The following CSMD1 variants were observed in gnomAD, a reference collection of about 807,000 sequenced individuals.
The protein encoded by CSMD1 is CUB and Sushi multiple domains 1.
In CSMD1, 213 loss-of-function variants were observed where a neutral mutation model predicts 417.5. The ratio of observed to expected loss-of-function variants is 0.51; its 90% CI spans 0.46 to 0.57. The LOEUF (loss-of-function observed/expected upper bound fraction) is 0.57, where lower values mean the gene tolerates loss of function less well. Among genes scored for constraint, CSMD1 ranks in the 20% least tolerant of loss-of-function variants. The pLI, the probability that CSMD1 is intolerant of heterozygous loss-of-function variation, is 0.00. For synonymous variants in CSMD1, 2,862 were observed against 1,736.8 expected, an observed-to-expected ratio of 1.65 and a Z score of -16.11; for missense variants, 6,923 against 4,529.7, an observed-to-expected ratio of 1.53 and a Z score of -15.17.
At chr8:4,712,466 C>G (rs986420145) in intron 1 of CSMD1, among the ~76,000 whole-genome samples, 1 of 152,088 alleles carries the variant, frequency 6.6e-6, no homozygotes, top group Admixed American at 6.6e-5. Context: ...AATTTTTTTT[C>G]CCATGTCAAA....
At chr8:3,946,411 C>G (rs1299670063) in intron 5 of CSMD1, among the ~76,000 whole-genome samples, 1 of 152,050 alleles carries the variant, frequency 6.6e-6, no homozygotes, top group African/African-American at 2.4e-5. Flanking sequence ...TGAGCAATCC[C>G]GCATCACCTT....
chr8:4,384,446 G>A (rs1044807984), intron 3 of CSMD1, among the ~76,000 whole-genome samples: 21 of 152,062 alleles, frequency 1.4e-4, no homozygotes, highest in African/African-American at 5.1e-4. Context: ...AACACTTGCT[G>A]GTTTTTTCAA....
At chr8:4,299,337 G>A (rs1333828406) in intron 3 of CSMD1, among the ~76,000 whole-genome samples, 3 of 152,110 alleles carry the variant, frequency 2.0e-5, no homozygotes, top group African/African-American at 4.8e-5. Flanking sequence ...TTACTTCCAA[G>A]AGGGGGTTTT....
intron 1 of CSMD1, among the ~76,000 whole-genome samples, chr8:4,893,771 GAGCCAATGTCACA>G (rs1314767381): frequency 4.6e-5 from 7 of 152,044 alleles, no homozygotes; most frequent in Admixed American, 6.5e-5. Flanking sequence ...GCTGCTTTCA[GAGCCAATGTCACA>G]TTGTTCAGAT....
At chr8:3,949,947 G>C (rs756086429) in intron 5 of CSMD1, 1 of 455,988 alleles carries the variant, frequency 2.2e-6, no homozygotes, top group South Asian at 1.5e-5. Context: ...CACATGGAGA[G>C]GTTCATGCCA....
chr8:4,341,127 G>A (rs1331179978), intron 3 of CSMD1, among the ~76,000 whole-genome samples: 1 of 152,026 alleles, frequency 6.6e-6, no homozygotes, highest in Non-Finnish European at 1.5e-5. Flanking sequence ...TCGTTGCCTA[G>A]GTAACAAGGC....
intron 5 of CSMD1, among the ~76,000 whole-genome samples, chr8:3,973,894 G>C (rs7816801): frequency 0.26 from 39,916 of 152,044 alleles, 5,470 homozygotes; most frequent in East Asian, 0.4. Flanking sequence ...ATATTGATGG[G>C]TTACATGAAA....
intron 2 of CSMD1, among the ~76,000 whole-genome samples, chr8:4,470,548 C>A (rs1800467707): frequency 6.6e-6 from 1 of 152,148 alleles, no homozygotes; most frequent in Non-Finnish European, 1.5e-5. Context: ...AAATGACATG[C>A]CAAAGGATTC....
At chr8:4,068,124 C>T (rs1421309757) in intron 3 of CSMD1, among the ~76,000 whole-genome samples, 1 of 152,086 alleles carries the variant, frequency 6.6e-6, no homozygotes, top group African/African-American at 2.4e-5. Context: ...TGAGTGTCTT[C>T]TTGCAGAGCC....
chr8:4,527,607 C>T (rs1796584795), intron 2 of CSMD1, among the ~76,000 whole-genome samples: 1 of 152,052 alleles, frequency 6.6e-6, no homozygotes, highest in African/African-American at 2.4e-5. Flanking sequence ...GTTGGTAGGG[C>T]CCCATATTGC....
intron 10 of CSMD1, among the ~76,000 whole-genome samples, chr8:3,569,677 A>T (rs1345495303): frequency 6.6e-6 from 1 of 152,228 alleles, no homozygotes; most frequent in East Asian, 1.9e-4. Context: ...ATACACTTTC[A>T]TCAACGTGCA....
At chr8:3,408,722 AG>A (rs1401919377) in intron 13 of CSMD1, among the ~76,000 whole-genome samples, 1 of 152,118 alleles carries the variant, frequency 6.6e-6, no homozygotes, top group African/African-American at 2.4e-5. Flanking sequence ...TGGAAACATC[AG>A]ATCATGTTCT....
intron 5 of CSMD1, among the ~76,000 whole-genome samples, chr8:3,952,596 G>A (rs1811664825): frequency 2.0e-5 from 3 of 152,136 alleles, no homozygotes; most frequent in Admixed American, 6.5e-5. Context: ...CAAGAGACAG[G>A]GAGAGAGGAG....
intron 4 of CSMD1, among the ~76,000 whole-genome samples, chr8:4,017,216 T>C (rs893442534): frequency 1.3e-5 from 2 of 152,222 alleles, no homozygotes; most frequent in African/African-American, 2.4e-5. Context: ...TTTTCTACTA[T>C]TTTAAATTGT....
At chr8:3,864,320 C>A (rs905547920) in intron 5 of CSMD1, among the ~76,000 whole-genome samples, 16 of 151,824 alleles carry the variant, frequency 1.1e-4, no homozygotes, top group Non-Finnish European at 2.2e-4. Flanking sequence ...TATGAGAGGA[C>A]AGTTATGGTT....
At chr8:3,259,328 C>T (rs1295956876) in intron 26 of CSMD1, among the ~76,000 whole-genome samples, 1 of 152,166 alleles carries the variant, frequency 6.6e-6, no homozygotes, top group African/African-American at 2.4e-5. Flanking sequence ...CTCTGCAAAG[C>T]AGGAATCTTG....
chr8:3,484,588 G>C (rs574629783), intron 11 of CSMD1, among the ~76,000 whole-genome samples: 2 of 152,126 alleles, frequency 1.3e-5, no homozygotes, highest in Non-Finnish European at 1.5e-5. Context: ...CCATAAACTA[G>C]ACTTCATCAA....
At chr8:3,823,570 A>G (rs1439616133) in intron 5 of CSMD1, among the ~76,000 whole-genome samples, 1 of 152,216 alleles carries the variant, frequency 6.6e-6, no homozygotes, top group Non-Finnish European at 1.5e-5. Flanking sequence ...TACAATTATA[A>G]TGCAATGGAT....
chr8:3,151,487 A>C lies in CSMD1; in HGVS notation c.5941T>G (p.Leu1981Val). The C allele has an allele frequency of 6.2e-7, 1 of 1,613,398 alleles. No homozygotes were observed. Among genetic ancestry groups the C allele is most frequent in the Non-Finnish European group, 8.5e-7 (1 of 1,179,674 alleles). Residue 1981 changes from leucine (L) to valine (V), a missense_variant, in exon 40 of 70, where the codon TTG becomes GTG. Transcript: ENST00000635120. The stretch of plus-strand genomic sequence containing the variant: ...CCGGGGCTCAGGATCACACCACCCA[A>C]GGTGCTCAGCGTCCCTCCACAGGTT... ...IATCGGTLST[L>V]GGVILSPGFP...
Sources: gnomAD v4.1 joint callset for allele counts (sites outside exome capture counted in the v4.1 genomes callset) on GRCh38, gnomAD v4.1.1 for gene constraint, MANE v1.5 for transcripts, NCBI Gene and HGNC (gene_info 2026-07-23, HGNC 2026-07-21) for gene names.